C4orf51: variants seen among roughly 807,000 people sequenced by gnomAD.
The protein encoded by C4orf51 is chromosome 4 open reading frame 51.
In C4orf51, 25 loss-of-function variants were observed where a neutral mutation model predicts 25.2. The observed-to-expected ratio is 0.99, with a 90% CI of 0.72 to 1.39. C4orf51 has a LOEUF of 1.39. C4orf51 is among the 40% of genes most tolerant of loss of function. C4orf51 has a pLI of 0.00. For missense variants in C4orf51, 252 were observed against 239.6 expected (o/e 1.05, Z -0.34); for synonymous variants, 100 against 84.5 (o/e 1.18, Z -1.01).
chr4:145,709,651 A>G (rs902246260), intron 2 of C4orf51, among the ~76,000 whole-genome samples: 42 of 152,244 alleles, frequency 2.8e-4, no homozygotes, highest in African/African-American at 9.2e-4. Context: ...TTCAGAAAAC[A>G]CACAGAGAAA....
At chr4:145,728,409 C>G (rs1238774055) in intron 3 of C4orf51, among the ~76,000 whole-genome samples, 2 of 152,144 alleles carry the variant, frequency 1.3e-5, no homozygotes, top group Non-Finnish European at 2.9e-5. Flanking sequence ...AGTCAAGCAT[C>G]TTCTCCTATG....
In C4orf51 at chr4:145,763,930, G is replaced by T. The variant is rs1056751757; in HGVS notation, n.167-7058G>T. 6.6e-6 allele frequency among the ~76,000 whole-genome samples: 1 copy of T among 152,000 alleles called. No homozygotes were observed. The highest frequency in any genetic ancestry group is 2.4e-5 in the African/African-American group (1 of 41,350). ...GTTGTTCCCTGACTCTTCTATGTGG[G>T]GGAGTTTTTGAGGAGGCAGGGGCCT... is the stretch of plus-strand genomic sequence containing the variant. On this transcript the variant is annotated intron_variant and non_coding_transcript_variant, in intron 1 of 1. Coordinates refer to the C4orf51 transcript ENST00000510096. This position sits in a 1 kb window ranked among gnomAD's most constrained non-coding sequence, Gnocchi z 4.6.
In C4orf51 at chr4:145,690,613, A is replaced by G. The variant is rs187535749; in HGVS notation, c.234-5946A>G. Among the ~76,000 whole-genome samples, 633 of 152,300 alleles carry G rather than the reference A, an allele frequency of 4.2e-3. 5 individuals carry two copies. The highest frequency in any genetic ancestry group is 0.034 in the Middle Eastern group (10 of 294). On this transcript the variant is annotated intron_variant, in intron 1 of 5. Transcript: ENST00000438731. ...CTAAGTCCTCAAAAGCAAACACAACAAAAACAAAAACTGACAATTGGGACC... is the reference window on the plus strand; with the variant it reads ...CTAAGTCCTCAAAAGCAAACACAACGAAAACAAAAACTGACAATTGGGACC...
chr4:145,751,142 G>T (rs972559938), intron 1 of C4orf51, among the ~76,000 whole-genome samples: 1 of 152,082 alleles, frequency 6.6e-6, no homozygotes, highest in African/African-American at 2.4e-5. Flanking sequence ...GATTGATCTT[G>T]GTGCCTTACT....
At chr4:145,727,633 TG>T (rs1732136028) in intron 3 of C4orf51, among the ~76,000 whole-genome samples, 1 of 151,470 alleles carries the variant, frequency 6.6e-6, no homozygotes, top group African/African-American at 2.4e-5. Flanking sequence ...CCCAGCACTT[TG>T]GGAGGCCAAG....
rs867945710 is a variant in C4orf51, at chr4:145,762,398, G to A, written n.167-8590G>A. ...GACATTATTAATACATGATTATGCC[G>A]GAGATAGGATAATAATCCAACTGGA... On this transcript the variant is annotated intron_variant and non_coding_transcript_variant, in intron 1 of 1. Transcript: ENST00000510096. This position sits in a 1 kb window ranked among gnomAD's most constrained non-coding sequence, Gnocchi z 4.9. Among the ~76,000 whole-genome samples the A allele has an allele frequency of 1.3e-5, 2 of 152,164 alleles. No homozygotes were observed. The highest frequency in any genetic ancestry group is 6.5e-5 in the Admixed American group (1 of 15,280).
chr4:145,701,509 G>C (rs1730440102), intron 2 of C4orf51, among the ~76,000 whole-genome samples: 1 of 151,850 alleles, frequency 6.6e-6, no homozygotes, highest in Non-Finnish European at 1.5e-5. Flanking sequence ...CAGAGCCCCT[G>C]GAACTCTGGC....
downstream of C4orf51, among the ~76,000 whole-genome samples, chr4:145,736,645 C>A (rs111548553): frequency 6.6e-6 from 1 of 152,190 alleles, no homozygotes; most frequent in Non-Finnish European, 1.5e-5. Context: ...GCTCTCCAAT[C>A]GGCTTGGCCA....
Position 145,753,505 on chromosome 4 carries a change from C to A in C4orf51, n.168-702C>A, listed in dbSNP as rs1173741840. On this transcript the variant is annotated intron_variant and non_coding_transcript_variant, in intron 1 of 1. Coordinates refer to the C4orf51 transcript ENST00000508981. ...CAAAGATGGGAAGAAACAGAGAAAA[C>A]CCCTATGCTGAATATTTTAATTTTC... Among the ~76,000 whole-genome samples, 3 of 152,018 alleles carry A rather than the reference C, an allele frequency of 2.0e-5. No individual in the cohort carries two copies. The East Asian group carries it at 5.8e-4, about 29-fold the overall frequency.
At chr4:145,740,074 C>A (rs1343213958) in intron 1 of C4orf51, among the ~76,000 whole-genome samples, 2 of 151,990 alleles carry the variant, frequency 1.3e-5, no homozygotes, top group Non-Finnish European at 2.9e-5. Flanking sequence ...CAGGTGAAAA[C>A]CGTTCACGTG....
intron 1 of C4orf51, among the ~76,000 whole-genome samples, chr4:145,753,370 G>T (rs188764669): frequency 1.3e-5 from 2 of 150,680 alleles, no homozygotes; most frequent in Non-Finnish European, 2.9e-5. Context: ...TATTATGTAT[G>T]TACCTATGCA....
At chr4:145,704,188 A>C (rs111771856) in intron 2 of C4orf51, among the ~76,000 whole-genome samples, 5,232 of 152,214 alleles carry the variant, frequency 0.034, 260 homozygotes, top group African/African-American at 0.11. Flanking sequence ...ATAGATGGTA[A>C]ATGTTTCTTT....
chr4:145,727,378 A>G (rs1732122417), intron 3 of C4orf51, among the ~76,000 whole-genome samples: 1 of 152,124 alleles, frequency 6.6e-6, no homozygotes, highest in African/African-American at 2.4e-5. Context: ...CATCCTTATA[A>G]ATGTCTCTCT....
chr4:145,785,179 A>G, the C4orf51 span, among the ~76,000 whole-genome samples: 1 of 152,218 alleles, frequency 6.6e-6, no homozygotes, highest in Non-Finnish European at 1.5e-5. Context: ...TAGCAATCCC[A>G]AAACAAGGCT....
chr4:145,698,228 A>G (rs1007072845), intron 2 of C4orf51, among the ~76,000 whole-genome samples: 1 of 152,234 alleles, frequency 6.6e-6, no homozygotes, highest in African/African-American at 2.4e-5. Flanking sequence ...GACAGGTCTC[A>G]ATCAATTTAG....
At chr4:145,733,752 G>A (rs750594531), downstream of C4orf51, among the ~76,000 whole-genome samples, 2 of 152,112 alleles carry the variant, frequency 1.3e-5, no homozygotes, top group Non-Finnish European at 2.9e-5. Context: ...GGCAACCTTC[G>A]TATGGTTTCC....
chr4:145,680,362 G>A lies in C4orf51; in HGVS notation c.159G>A (p.Arg53=). ...TGACAACATACACAGGCAGTTACCGGAAAAAACAACTGGACAAGTCCATGT... is the reference window on the plus strand; with the variant it reads ...TGACAACATACACAGGCAGTTACCGAAAAAAACAACTGGACAAGTCCATGT... ...SSVTTYTGSY[R]KKQLDKSMCS... The change falls in exon 1 of 6, where the codon CGG becomes CGA. Residue 53 remains arginine, a synonymous_variant. Coordinates refer to ENST00000438731, the MANE Select transcript of C4orf51 (RefSeq NM_001080531.3). The A allele has an allele frequency of 6.2e-7, 1 of 1,613,904 alleles. No individual in the cohort carries two copies. Among genetic ancestry groups the A allele is most frequent in the East Asian group, 2.2e-5 (1 of 44,884 alleles).
the C4orf51 span, among the ~76,000 whole-genome samples, chr4:145,777,235 T>G: frequency 6.6e-6 from 1 of 152,232 alleles, no homozygotes; most frequent in East Asian, 1.9e-4. Context: ...TGTCCTTTCT[T>G]TAGAAGTTTT....
intron 1 of C4orf51, among the ~76,000 whole-genome samples, chr4:145,738,459 C>CATATATAT (rs58754234): frequency 1.6e-4 from 24 of 146,726 alleles, no homozygotes; most frequent in Admixed American, 6.1e-4. Context: ...CGAAAAAAAA[C>CATATATAT]ATATATATAT....
Sources: allele counts gnomAD v4.1 joint callset (sites outside exome capture counted in the v4.1 genomes callset), GRCh38; gene constraint gnomAD v4.1.1; non-coding constraint Gnocchi (gnomAD v3.1); transcripts MANE v1.5; gene names NCBI Gene and HGNC (gene_info 2026-07-23, HGNC 2026-07-21).